ADGRB3: variants seen among roughly 807,000 people sequenced by gnomAD.
ADGRB3 encodes the protein brain-specific angiogenesis inhibitor 3.
In ADGRB3, 37 loss-of-function variants were observed where a neutral mutation model predicts 193.4. That is an observed-to-expected ratio of 0.19 (90% CI 0.15 to 0.25). The LOEUF (loss-of-function observed/expected upper bound fraction) is 0.25, where lower values mean the gene tolerates loss of function less well. ADGRB3 is among the 10% of genes least tolerant of loss of function. The probability of loss-of-function intolerance (pLI) is 1.00; values close to 1 mark genes in which losing one functional copy is unlikely to be tolerated. For synonymous variants in ADGRB3, 690 were observed against 644.2 expected, an observed-to-expected ratio of 1.07 and a Z score of -1.08; for missense variants, 1,637 against 1,852.9, an observed-to-expected ratio of 0.88 and a Z score of 2.14.
At chr6:69,285,979 G>A (rs943795658) in intron 20 of ADGRB3, among the ~76,000 whole-genome samples, 1 of 152,010 alleles carries the variant, frequency 6.6e-6, no homozygotes, top group Non-Finnish European at 1.5e-5. Context: ...AAGGTTTCAT[G>A]CCTGTGCTTT....
At chr6:69,379,313 G>A (rs149771088) in intron 30 of ADGRB3, among the ~76,000 whole-genome samples, 427 of 151,816 alleles carry the variant, frequency 2.8e-3, no homozygotes, top group Non-Finnish European at 4.6e-3. Context: ...TTTAAAAAAC[G>A]GGTGCTTAAA....
In ADGRB3 at chr6:68,867,137, G is replaced by A. The variant is rs142987274; in HGVS notation, c.758-63422G>A. On this transcript the variant is annotated intron_variant, in intron 3 of 31. Transcript: ENST00000370598. The stretch of plus-strand genomic sequence containing the variant: ...CCAGGGCATTTCAGAGCTCTTCATG[G>A]CAGCTCTTCCCATCACAGACCTGGA... 6.6e-5 allele frequency among the ~76,000 whole-genome samples: 10 copies of A among 152,284 alleles called. No individual in the cohort carries two copies. In the East Asian group the frequency reaches 1.9e-3, roughly 29 times the overall value.
intron 3 of ADGRB3, among the ~76,000 whole-genome samples, chr6:68,793,720 G>T (rs1195253925): frequency 6.6e-6 from 1 of 151,976 alleles, no homozygotes; most frequent in African/African-American, 2.4e-5. Flanking sequence ...ATAGAGACAG[G>T]GTTTACCCCT....
chr6:68,853,036 AG>A (rs1413404724), intron 3 of ADGRB3, among the ~76,000 whole-genome samples: 9 of 152,050 alleles, frequency 5.9e-5, no homozygotes, highest in Admixed American at 1.3e-4. Flanking sequence ...CATTTGACCA[AG>A]GTCAGCATTT....
At chr6:69,126,351 G>C (rs1031874409) in intron 17 of ADGRB3, among the ~76,000 whole-genome samples, 2 of 152,078 alleles carry the variant, frequency 1.3e-5, no homozygotes, top group African/African-American at 4.8e-5. Context: ...TCTTGCAACA[G>C]GCCATCTACA....
chr6:68,952,425 A>G lies in ADGRB3; in HGVS notation c.1196-3599A>G, dbSNP rs560818650. ...GTCTAGTTTTTTAAGTTAAATTTAT[A>G]TATTCATCTCCTACCTGACTTTTCA... On this transcript the variant is annotated intron_variant, in intron 6 of 31. Transcript: ENST00000370598. Among the ~76,000 whole-genome samples, 19 of 152,210 alleles carry G rather than the reference A, an allele frequency of 1.2e-4. No homozygotes were observed. In the East Asian group the frequency reaches 2.7e-3, roughly 22 times the overall value.
At chr6:69,372,005 C>T (rs905179950) in intron 29 of ADGRB3, among the ~76,000 whole-genome samples, 1 of 152,074 alleles carries the variant, frequency 6.6e-6, no homozygotes, top group African/African-American at 2.4e-5. Context: ...GGTAACTAGA[C>T]AGTTTTTCCT....
intron 20 of ADGRB3, among the ~76,000 whole-genome samples, chr6:69,317,482 A>G (rs1018194812): frequency 2.6e-5 from 4 of 151,462 alleles, no homozygotes; most frequent in Non-Finnish European, 4.4e-5. Context: ...TAGAGAAGGA[A>G]ACACAAAGTT....
chr6:69,186,211 C>A (rs1405513161), intron 17 of ADGRB3, among the ~76,000 whole-genome samples: 2 of 150,376 alleles, frequency 1.3e-5, no homozygotes, highest in Non-Finnish European at 3.0e-5. Flanking sequence ...GTCAATTGGC[C>A]TGCAACCCTT....
chr6:68,993,060 T>G (rs972922737), intron 10 of ADGRB3, among the ~76,000 whole-genome samples: 1 of 152,162 alleles, frequency 6.6e-6, no homozygotes, highest in African/African-American at 2.4e-5. Flanking sequence ...TTTCCTCCCT[T>G]GAACTGTACA....
chr6:68,716,754 A>G (rs1415091544), intron 3 of ADGRB3, among the ~76,000 whole-genome samples: 3 of 151,538 alleles, frequency 2.0e-5, no homozygotes, highest in Non-Finnish European at 4.4e-5. Context: ...TGAGTTCATC[A>G]TTGCTCTTAA....
intron 11 of ADGRB3, among the ~76,000 whole-genome samples, chr6:68,998,369 T>C (rs2150277469): frequency 6.6e-6 from 1 of 152,330 alleles, no homozygotes; most frequent in South Asian, 2.1e-4. Flanking sequence ...TGTATAGCTT[T>C]TCCTTATTCC....
chr6:68,667,669 G>T (rs1225967674), intron 3 of ADGRB3, among the ~76,000 whole-genome samples: 1 of 151,772 alleles, frequency 6.6e-6, no homozygotes, highest in Non-Finnish European at 1.5e-5. Flanking sequence ...ATCCCAAGCT[G>T]CATGTTGTTA....
intron 3 of ADGRB3, among the ~76,000 whole-genome samples, chr6:68,850,530 G>T (rs1378732276): frequency 6.6e-6 from 1 of 151,806 alleles, no homozygotes; most frequent in Non-Finnish European, 1.5e-5. Context: ...TCAATAGGTT[G>T]AGTAGGCCAT....
intron 20 of ADGRB3, among the ~76,000 whole-genome samples, chr6:69,249,699 TATCAA>T (rs1406516845): frequency 6.6e-6 from 1 of 152,166 alleles, no homozygotes; most frequent in Non-Finnish European, 1.5e-5. Context: ...TTATTATGTA[TATCAA>T]ATCATAAGCA....
intron 17 of ADGRB3, among the ~76,000 whole-genome samples, chr6:69,107,441 G>A (rs1047941367): frequency 2.0e-5 from 3 of 152,106 alleles, no homozygotes; most frequent in African/African-American, 7.2e-5. Context: ...TATTATGCAA[G>A]GTGCTAGGAG....
At chr6:68,753,369 A>C (rs914757529) in intron 3 of ADGRB3, among the ~76,000 whole-genome samples, 1 of 152,218 alleles carries the variant, frequency 6.6e-6, no homozygotes, top group Non-Finnish European at 1.5e-5. Flanking sequence ...GTCTGCAAAT[A>C]GCTAACGCCA....
chr6:69,267,037 GT>G (rs1767060521), intron 20 of ADGRB3, among the ~76,000 whole-genome samples: 1 of 152,004 alleles, frequency 6.6e-6, no homozygotes, highest in African/African-American at 2.4e-5. Context: ...TTCTGTAATA[GT>G]TTTTATTAGG....
intron 17 of ADGRB3, among the ~76,000 whole-genome samples, chr6:69,182,924 T>G (rs1764963397): frequency 2.0e-5 from 3 of 152,114 alleles, no homozygotes; most frequent in Admixed American, 6.5e-5. Flanking sequence ...TACCACTGGA[T>G]GAAATATTAA....
Sources: gnomAD v4.1 joint callset for allele counts (sites outside exome capture counted in the v4.1 genomes callset) on GRCh38, gnomAD v4.1.1 for gene constraint, MANE v1.5 for transcripts, NCBI Gene and HGNC (gene_info 2026-07-23, HGNC 2026-07-21) for gene names.